Variants in ACVR1C observed in about 807,000 individuals in gnomAD.
ACVR1C encodes the protein activin A receptor type 1C.
In ACVR1C, 23 loss-of-function variants were observed where a neutral mutation model predicts 57.9. The ratio of observed to expected loss-of-function variants is 0.40; its 90% CI spans 0.29 to 0.56. The LOEUF (loss-of-function observed/expected upper bound fraction) is 0.56. ACVR1C is among the 20% of genes least tolerant of loss of function. ACVR1C has a pLI of 0.50. For synonymous variants in ACVR1C, 214 were observed against 215.3 expected (o/e 0.99, Z 0.05); for missense variants, 480 against 607.9 (o/e 0.79, Z 2.21).
intron 1 of ACVR1C, among the ~76,000 whole-genome samples, chr2:157,622,039 A>G (rs1682787687): frequency 6.6e-6 from 1 of 152,142 alleles, no homozygotes; most frequent in African/African-American, 2.4e-5. Flanking sequence ...GTGTTTGGGT[A>G]TTCCTAGGTC....
intron 1 of ACVR1C, among the ~76,000 whole-genome samples, chr2:157,589,363 C>T (rs1456102392): frequency 6.6e-6 from 1 of 151,826 alleles, no homozygotes; most frequent in South Asian, 2.1e-4. Context: ...GTGTCATTTG[C>T]CCACTTTTTA....
intron 4 of ACVR1C, among the ~76,000 whole-genome samples, chr2:157,546,680 C>G (rs1248994224): frequency 1.3e-5 from 2 of 151,356 alleles, no homozygotes; most frequent in Non-Finnish European, 2.9e-5. Flanking sequence ...ATTAGGGGCA[C>G]TAATGAACAG....
At chr2:157,549,401 G>A (rs1362158747) in intron 4 of ACVR1C, among the ~76,000 whole-genome samples, 1 of 152,028 alleles carries the variant, frequency 6.6e-6, no homozygotes, top group Non-Finnish European at 1.5e-5. Flanking sequence ...ATACTCCTTT[G>A]CCCTAGACAC....
chr2:157,549,439 C>A (rs2105215836), intron 4 of ACVR1C, among the ~76,000 whole-genome samples: 1 of 152,200 alleles, frequency 6.6e-6, no homozygotes, highest in African/African-American at 2.4e-5. Context: ...TCTTCATGAC[C>A]AAGCAGCAAC....
At chr2:157,626,939 CT>C (rs962386083) in intron 1 of ACVR1C, among the ~76,000 whole-genome samples, 2 of 152,030 alleles carry the variant, frequency 1.3e-5, no homozygotes, top group Admixed American at 6.6e-5. Context: ...AATGGATTAT[CT>C]TTTTTTTATT....
chr2:157,563,943 T>G (rs1248631640), intron 2 of ACVR1C, among the ~76,000 whole-genome samples: 2 of 152,234 alleles, frequency 1.3e-5, no homozygotes, highest in East Asian at 1.9e-4. Flanking sequence ...ATCCCTTCCT[T>G]ACACATTATA....
chr2:157,627,271 T>G (rs962334013), intron 1 of ACVR1C, among the ~76,000 whole-genome samples: 1 of 152,188 alleles, frequency 6.6e-6, no homozygotes, highest in Non-Finnish European at 1.5e-5. Context: ...AGCAGAGTTT[T>G]CACCCATTTT....
Position 157,583,433 on chromosome 2 carries a change from G to A in ACVR1C, c.304+3754C>T, listed in dbSNP as rs988722294. ...TCATGGATTAAAAGTTCAATATTGT[G>A]AACATGATTATTCTCTGCAAATTAA... On this transcript the variant is annotated intron_variant, in intron 2 of 8. Coordinates refer to ENST00000243349, the MANE Select transcript of ACVR1C (RefSeq NM_145259.3). Among the ~76,000 whole-genome samples, 5 of 152,252 alleles carry A rather than the reference G, an allele frequency of 3.3e-5. No individual in the cohort carries two copies. The East Asian group carries it at 9.6e-4, about 29-fold the overall frequency.
Position 157,599,860 on chromosome 2 carries a change from G to A in ACVR1C, c.74-12443C>T, listed in dbSNP as rs114199249. ...CCTGTGTAAAGAAAAAACACCACAG[G>A]ATCCCTAATCCAGTCCAGGGCATTT... On this transcript the variant is annotated intron_variant, in intron 1 of 8. Coordinates refer to ENST00000243349, the MANE Select transcript of ACVR1C (RefSeq NM_145259.3). Among the ~76,000 whole-genome samples the A allele has an allele frequency of 8.5e-3, 1,291 of 152,258 alleles. 20 individuals carry two copies. Among genetic ancestry groups the A allele is most frequent in the African/African-American group, 0.029 (1,208 of 41,536 alleles).
At chr2:157,566,514 C>T (rs903359411) in intron 2 of ACVR1C, among the ~76,000 whole-genome samples, 3 of 152,166 alleles carry the variant, frequency 2.0e-5, no homozygotes, top group African/African-American at 4.8e-5. Context: ...CCACCGTGCG[C>T]GAGCCGAAGC....
rs1329691825 is a variant in ACVR1C at position 157,538,649 on chromosome 2, G to A, written c.1280C>T (p.Ser427Leu). 13 of 1,583,466 alleles carry A rather than the reference G, an allele frequency of 8.2e-6. No homozygotes were observed. Among genetic ancestry groups the A allele is most frequent in the East Asian group, 2.3e-5 (1 of 43,158 alleles). Residue 427 changes from serine to leucine, a missense_variant, in exon 8 of 9, where the codon TCG becomes TTG. By Grantham distance (145) the Ser-to-Leu change is moderately radical. Coordinates refer to ENST00000243349, the MANE Select transcript of ACVR1C (RefSeq NM_145259.3). ...AACAACCTTTCTCATTTCCTCTATC[G>A]AGGGATCTGAAGGCACCATGTCATA... ...PYYDMVPSDP[S>L]IEEMRKVVCD...
intron 2 of ACVR1C, among the ~76,000 whole-genome samples, chr2:157,573,566 C>G (rs184663036): frequency 4.6e-5 from 7 of 151,438 alleles, no homozygotes; most frequent in African/African-American, 1.7e-4. Flanking sequence ...GTTGAATAGT[C>G]TATTTCCATA....
Position 157,551,209 on chromosome 2 carries a change from T to C in ACVR1C, c.545-817A>G, listed in dbSNP as rs139358080. Among the ~76,000 whole-genome samples, 28 of 152,348 alleles carry C rather than the reference T, an allele frequency of 1.8e-4. No individual in the cohort carries two copies. The East Asian group carries it at 5.2e-3, about 28-fold the overall frequency. ...TTTCAGCTCTGCCACCTGGTAATCA[T>C]GCACAAGTTATTTCACCTGTCTGCG... is the stretch of plus-strand genomic sequence containing the variant. On this transcript the variant is annotated intron_variant, in intron 3 of 8. Transcript: ENST00000243349.
chr2:157,537,295 A>G (rs1415666095), intron 8 of ACVR1C, among the ~76,000 whole-genome samples: 1 of 152,032 alleles, frequency 6.6e-6, no homozygotes, highest in Non-Finnish European at 1.5e-5. Flanking sequence ...GGTATTGAAA[A>G]TGTTCTATTT....
In ACVR1C at chr2:157,620,012, T is replaced by TG. The variant is rs1209121167; in HGVS notation, c.73+8559dup. On this transcript the variant is annotated intron_variant, in intron 1 of 8. Transcript: ENST00000243349. ...AAGCATAGTTGAGTAAAAGCCATTC[T>TG]GGGGAACATCATCTTGATTTGGCAC... Among the ~76,000 whole-genome samples the TG allele has an allele frequency of 3.3e-5, 5 of 152,192 alleles. No individual in the cohort carries two copies. In the South Asian group the frequency reaches 8.3e-4, roughly 25 times the overall value.
At position 157,567,265 on chromosome 2, in the gene ACVR1C, A is replaced by T. The variant is rs1688417548; in HGVS notation, c.305-10933T>A. Among the ~76,000 whole-genome samples, 2 of 104,464 alleles carry T rather than the reference A, an allele frequency of 1.9e-5. 1 individual carries two copies. The highest frequency in any genetic ancestry group is 4.6e-4 in the East Asian group (2 of 4,370). 68.5% of individuals were successfully genotyped at this position (104,464 alleles called of 152,430 possible). ...AGTAGATAAAACCACAAAGTTGGGGAAAAAACAGAACAGAAAAACTGGAAA... is the reference window on the plus strand; with the variant it reads ...AGTAGATAAAACCACAAAGTTGGGGTAAAAACAGAACAGAAAAACTGGAAA... On this transcript the variant is annotated intron_variant, in intron 2 of 8. Transcript: ENST00000243349.
intron 2 of ACVR1C, among the ~76,000 whole-genome samples, chr2:157,561,970 T>C (rs1297462595): frequency 6.6e-6 from 1 of 152,188 alleles, no homozygotes; most frequent in Non-Finnish European, 1.5e-5. Context: ...GTGACCCATC[T>C]AGAGAACAAT....
rs1687244338 is a variant in ACVR1C, at chr2:157,526,978, C to T, written c.*6940G>A. 2 of 152,066 alleles carry T rather than the reference C, an allele frequency of 1.3e-5. No homozygotes were observed. The highest frequency in any genetic ancestry group is 2.9e-5 in the Non-Finnish European group (2 of 67,994). The allele number at this position is 152,066 out of a possible 1,614,324, so 9.4% of individuals were successfully genotyped here. The stretch of plus-strand genomic sequence containing the variant: ...ATATTAAAAAGCTTTAAAATAAATA[C>T]TTTTATGACTTGCTGTTGGTAAAGT... On this transcript the variant is annotated 3_prime_UTR_variant, in exon 9 of 9. Coordinates refer to ENST00000243349, the MANE Select transcript of ACVR1C (RefSeq NM_145259.3).
intron 2 of ACVR1C, among the ~76,000 whole-genome samples, chr2:157,577,332 A>G (rs1688687833): frequency 6.6e-6 from 1 of 152,158 alleles, no homozygotes; most frequent in Non-Finnish European, 1.5e-5. Context: ...CTACTGTAAT[A>G]TCAATTACCA....
Sources: gnomAD v4.1 joint callset for allele counts (sites outside exome capture counted in the v4.1 genomes callset) on GRCh38, gnomAD v4.1.1 for gene constraint, MANE v1.5 for transcripts, NCBI Gene and HGNC (gene_info 2026-07-23, HGNC 2026-07-21) for gene names.